Variants in NR6A1 observed in about 807,000 individuals in gnomAD.
NR6A1 encodes the protein retinoic acid receptor-related testis-associated receptor.
Under a neutral mutation model 59.1 loss-of-function variants are expected in NR6A1, and 7 were observed. That is an observed-to-expected ratio of 0.12 (90% CI 0.07 to 0.22). The LOEUF (loss-of-function observed/expected upper bound fraction) is 0.22. NR6A1 is among the 10% of genes least tolerant of loss of function. The pLI is 1.00. For synonymous variants in NR6A1, 243 were observed against 236.1 expected, an observed-to-expected ratio of 1.03 and a Z score of -0.27; for missense variants, 468 against 611.6, an observed-to-expected ratio of 0.77 and a Z score of 2.48.
intron 2 of NR6A1, among the ~76,000 whole-genome samples, chr9:124,603,500 TCTTC>T (rs1835500775): frequency 6.6e-6 from 1 of 152,210 alleles, no homozygotes; most frequent in Non-Finnish European, 1.5e-5. Context: ...TGAGACTAAA[TCTTC>T]CAACAATGAA....
chr9:124,575,121 C>T (rs1031863364), intron 2 of NR6A1, among the ~76,000 whole-genome samples: 3 of 152,158 alleles, frequency 2.0e-5, no homozygotes, highest in Non-Finnish European at 2.9e-5. Flanking sequence ...AGAAGCCTAC[C>T]GCCTGTATTA....
At chr9:124,582,387 G>T (rs1211978892) in intron 2 of NR6A1, among the ~76,000 whole-genome samples, 1 of 152,152 alleles carries the variant, frequency 6.6e-6, no homozygotes, top group African/African-American at 2.4e-5. Context: ...GACACATAGA[G>T]GGGAACAACA....
intron 2 of NR6A1, among the ~76,000 whole-genome samples, chr9:124,560,077 G>A (rs1389212065): frequency 6.6e-6 from 1 of 152,170 alleles, no homozygotes; most frequent in Non-Finnish European, 1.5e-5. Context: ...AACCAATCAG[G>A]AGTGGAGCTG....
chr9:124,752,359 C>G (rs891414627), intron 1 of NR6A1, among the ~76,000 whole-genome samples: 2 of 151,956 alleles, frequency 1.3e-5, no homozygotes, highest in African/African-American at 4.8e-5. Flanking sequence ...TAAAATTAAA[C>G]AATCAATTTT....
chr9:124,590,989 A>G (rs1438022368), intron 2 of NR6A1, among the ~76,000 whole-genome samples: 1 of 152,220 alleles, frequency 6.6e-6, no homozygotes, highest in East Asian at 1.9e-4. Flanking sequence ...GGACCCATTC[A>G]TGACTAATTA....
chr9:124,766,999 A>C (rs560778427), intron 1 of NR6A1, among the ~76,000 whole-genome samples: 1 of 152,320 alleles, frequency 6.6e-6, no homozygotes, highest in South Asian at 2.1e-4. Flanking sequence ...CTTGCACAAC[A>C]AACACTAGGG....
intron 2 of NR6A1, among the ~76,000 whole-genome samples, chr9:124,605,150 T>C (rs1268882456): frequency 6.6e-6 from 1 of 152,200 alleles, no homozygotes; most frequent in East Asian, 1.9e-4. Flanking sequence ...AGTCTCTATA[T>C]CCATCTTCTA....
intron 2 of NR6A1, among the ~76,000 whole-genome samples, chr9:124,591,226 T>G (rs1250064504): frequency 1.3e-5 from 2 of 152,224 alleles, no homozygotes; most frequent in African/African-American, 4.8e-5. Flanking sequence ...TTTGCTCCTC[T>G]TTGAAACTCA....
chr9:124,526,633 C>A (rs375995191), intron 8 of NR6A1, 146 bp downstream of exon 8: 12 of 1,205,922 alleles, frequency 1.0e-5, no homozygotes, highest in Non-Finnish European at 1.4e-5. Flanking sequence ...CAAGGGGGTG[C>A]ACAAGTCTTC....
intron 1 of NR6A1, among the ~76,000 whole-genome samples, chr9:124,752,179 G>C (rs1224420211): frequency 6.6e-6 from 1 of 152,122 alleles, no homozygotes; most frequent in Non-Finnish European, 1.5e-5. Context: ...TGAAGCATGA[G>C]AATGGCTTAA....
rs1156850781 is a variant in NR6A1 at position 124,755,134 on chromosome 9, T to TC, written c.100+15885dup. ...TCTACCATTACTACAGTAACTCCTT[T>TC]CTGCAAAGATCTGCTTTTCAGAGGT... On this transcript the variant is annotated intron_variant, in intron 1 of 9. Coordinates refer to ENST00000487099, the MANE Select transcript of NR6A1 (RefSeq NM_033334.4). 6.0e-5 allele frequency among the ~76,000 whole-genome samples: 9 copies of TC among 149,012 alleles called. No individual in the cohort carries two copies. The East Asian group carries it at 1.8e-3, about 30-fold the overall frequency.
At chr9:124,616,621 C>T (rs1395540509) in intron 2 of NR6A1, among the ~76,000 whole-genome samples, 2 of 152,012 alleles carry the variant, frequency 1.3e-5, no homozygotes, top group African/African-American at 2.4e-5. Flanking sequence ...CTTATACACA[C>T]ACATATATTA....
chr9:124,765,751 A>G (rs776696525), intron 1 of NR6A1, among the ~76,000 whole-genome samples: 281 of 152,330 alleles, frequency 1.8e-3, no homozygotes, highest in Non-Finnish European at 3.6e-3. Context: ...TAACCACTGA[A>G]AAAACTCTGG....
At chr9:124,549,462 G>A (rs982082187) in intron 3 of NR6A1, among the ~76,000 whole-genome samples, 2 of 152,148 alleles carry the variant, frequency 1.3e-5, no homozygotes, top group African/African-American at 4.8e-5. Flanking sequence ...ACATACATGG[G>A]GGATACTAGT....
At chr9:124,768,336 T>C (rs1389099932) in intron 1 of NR6A1, among the ~76,000 whole-genome samples, 1 of 152,208 alleles carries the variant, frequency 6.6e-6, no homozygotes, top group Admixed American at 6.5e-5. Context: ...TTCATATATT[T>C]TTGGAGAAAA....
intron 2 of NR6A1, among the ~76,000 whole-genome samples, chr9:124,643,714 A>C (rs1231103837): frequency 6.7e-6 from 1 of 149,400 alleles, no homozygotes; most frequent in Non-Finnish European, 1.5e-5. Context: ...CTGAGGCACC[A>C]CTGCACCCTG....
intron 1 of NR6A1, among the ~76,000 whole-genome samples, chr9:124,757,032 C>A (rs1250454291): frequency 6.6e-6 from 1 of 151,868 alleles, no homozygotes; most frequent in Non-Finnish European, 1.5e-5. Flanking sequence ...CTCTCTCTCA[C>A]CCCAAAATGA....
At chr9:124,677,748 T>G (rs1838006958) in intron 2 of NR6A1, among the ~76,000 whole-genome samples, 1 of 152,092 alleles carries the variant, frequency 6.6e-6, no homozygotes, top group South Asian at 2.1e-4. Context: ...CATTCTAATC[T>G]CAGATAGTAT....
chr9:124,594,093 C>T (rs1835205248), intron 2 of NR6A1, among the ~76,000 whole-genome samples: 1 of 152,190 alleles, frequency 6.6e-6, no homozygotes, highest in South Asian at 2.1e-4. Flanking sequence ...GCTTTTTTTA[C>T]AGTAGCATTT....
Sources: gnomAD v4.1 joint callset for allele counts (sites outside exome capture counted in the v4.1 genomes callset) on GRCh38, gnomAD v4.1.1 for gene constraint, MANE v1.5 for transcripts, NCBI Gene and HGNC (gene_info 2026-07-23, HGNC 2026-07-21) for gene names.